CC2D2B: variants seen among roughly 807,000 people sequenced by gnomAD.
The protein encoded by CC2D2B is protein CC2D2B.
CC2D2B carries 128 observed loss-of-function variants against 161.2 expected under a neutral mutation model. That is an observed-to-expected ratio of 0.79 (90% CI 0.69 to 0.92). The LOEUF (loss-of-function observed/expected upper bound fraction) is 0.92. Ranked by LOEUF, CC2D2B falls within the 40% of genes least tolerant of loss-of-function variation. The pLI, the probability that CC2D2B is intolerant of heterozygous loss-of-function variation, is 0.00. For missense variants in CC2D2B, 1,173 were observed against 1,375.1 expected, an observed-to-expected ratio of 0.85 and a Z score of 2.32; for synonymous variants, 391 against 449.8, an observed-to-expected ratio of 0.87 and a Z score of 1.65.
At chr10:95,993,810 A>C (rs2078052245) in intron 22 of CC2D2B, among the ~76,000 whole-genome samples, 1 of 137,910 alleles carries the variant, frequency 7.3e-6, no homozygotes, top group Admixed American at 7.3e-5. Flanking sequence ...GAGAGAATAT[A>C]TATAGAGTGT....
intron 9 of CC2D2B, among the ~76,000 whole-genome samples, chr10:95,946,160 G>A (rs1030609761): frequency 3.3e-5 from 5 of 151,968 alleles, no homozygotes; most frequent in Admixed American, 2.6e-4. Flanking sequence ...ACCCTTTTTG[G>A]CCATAAGGAA....
chr10:95,960,696 A>C (rs2076732242), intron 11 of CC2D2B, among the ~76,000 whole-genome samples: 1 of 152,064 alleles, frequency 6.6e-6, no homozygotes, highest in South Asian at 2.1e-4. Context: ...TAACTTTTGT[A>C]GAGACAGGGT....
chr10:95,964,767 T>C (rs1272161542), intron 12 of CC2D2B, among the ~76,000 whole-genome samples: 1 of 152,132 alleles, frequency 6.6e-6, no homozygotes, highest in African/African-American at 2.4e-5. Context: ...AAAAAGCATA[T>C]AATACCTTTT....
At chr10:95,954,780 G>A (rs1452340004) in intron 10 of CC2D2B, among the ~76,000 whole-genome samples, 1 of 152,060 alleles carries the variant, frequency 6.6e-6, no homozygotes, top group African/African-American at 2.4e-5. Flanking sequence ...TCCAGTGAAA[G>A]TTTATATCAA....
chr10:96,019,550 C>T, intron 31 of CC2D2B, 152 bp from the exon 32 acceptor site: 1 of 837,780 alleles, frequency 1.2e-6, no homozygotes, highest in Non-Finnish European at 1.9e-6. Context: ...GATCATGAAA[C>T]CCTAGAATCT....
In CC2D2B at chr10:95,961,922, A is replaced by G; in HGVS notation, c.1203A>G (p.Arg401=). The G allele has an allele frequency of 8.1e-7, 1 of 1,231,672 alleles. No individual in the cohort carries two copies. The highest frequency in any genetic ancestry group is 1.0e-6 in the Non-Finnish European group (1 of 987,664). The allele number at this position is 1,231,672 out of a possible 1,614,324, so 76.3% of individuals were successfully genotyped here. ...LRTWKQIKSL[R]HGQGFTSTPI... ...CTTGGAAACAGATTAAATCTCTTCG[A>G]CATGGGCAAGGGTTTACAAGCACCC... The change falls in exon 12 of 35, where the codon CGA becomes CGG. Residue 401 remains arginine (R), a synonymous_variant. Transcript: ENST00000646931.
At chr10:96,030,225 A>G (rs1351361280) in intron 34 of CC2D2B, among the ~76,000 whole-genome samples, 1 of 152,132 alleles carries the variant, frequency 6.6e-6, no homozygotes, top group Non-Finnish European at 1.5e-5. Flanking sequence ...ACATTCAGCC[A>G]GGCCACTGAC....
intron 10 of CC2D2B, among the ~76,000 whole-genome samples, chr10:95,951,990 T>G (rs2076417020): frequency 6.6e-6 from 1 of 152,200 alleles, no homozygotes; most frequent in African/African-American, 2.4e-5. Flanking sequence ...GTGCATAATC[T>G]TCTCTTCTGA....
At chr10:95,919,672 G>A (rs992077260) in intron 2 of CC2D2B, 2 of 152,104 alleles carry the variant, frequency 1.3e-5, no homozygotes, top group Non-Finnish European at 2.9e-5. Context: ...AGCCCCAAGG[G>A]CTATTTAGTG....
At position 95,993,936 on chromosome 10, in the gene CC2D2B, GTGTGTGTA is replaced by G. The variant is rs1169952269; in HGVS notation, c.2642+1243_2642+1250del. On this transcript the variant is annotated intron_variant, in intron 22 of 34. Transcript: ENST00000646931. ...TGTGTGTGTGTGTGTGTGTGTGTGT[GTGTGTGTA>G]TGTATGTGTATATATATATATATAT... is the stretch of plus-strand genomic sequence containing the variant. Among the ~76,000 whole-genome samples the G allele has an allele frequency of 7.0e-3, 136 of 19,508 alleles. 3 individuals carry two copies. Among genetic ancestry groups the G allele is most frequent in the South Asian group, 0.025 (12 of 474 alleles). 12.8% of individuals were successfully genotyped at this position (19,508 alleles called of 152,430 possible). A position where few individuals can be genotyped will look rare whatever the true frequency, so the allele number is the denominator to read the frequency against.
chr10:96,014,624 G>A (rs2079114585), intron 29 of CC2D2B, among the ~76,000 whole-genome samples: 1 of 152,164 alleles, frequency 6.6e-6, no homozygotes, highest in Non-Finnish European at 1.5e-5. Context: ...TGCGACCTAA[G>A]ATAAGTTAAC....
intron 20 of CC2D2B, among the ~76,000 whole-genome samples, chr10:95,989,534 C>T (rs983701607): frequency 6.6e-6 from 1 of 152,038 alleles, no homozygotes; most frequent in African/African-American, 2.4e-5. Context: ...TTTGTGGTCT[C>T]GGGAAATAAA....
intron 19 of CC2D2B, among the ~76,000 whole-genome samples, chr10:95,985,483 C>G (rs1308201506): frequency 6.6e-6 from 1 of 152,164 alleles, no homozygotes; most frequent in Non-Finnish European, 1.5e-5. Context: ...GGACACTTAT[C>G]ACTTCCCCAA....
intron 18 of CC2D2B, 114 bp downstream of exon 18, chr10:95,982,227 T>C (rs535618244): frequency 7.7e-4 from 513 of 667,916 alleles, no homozygotes; most frequent in Non-Finnish European, 1.0e-3. Context: ...CTTGGGGTTA[T>C]GTAAAAGTAA....
At chr10:95,979,946 C>G (rs990411723) in intron 17 of CC2D2B, among the ~76,000 whole-genome samples, 2 of 152,096 alleles carry the variant, frequency 1.3e-5, no homozygotes, top group African/African-American at 4.8e-5. Context: ...TGGCTGTGGC[C>G]TTGCATTTGG....
At chr10:95,963,228 G>T (rs1431116064) in intron 12 of CC2D2B, among the ~76,000 whole-genome samples, 1 of 152,150 alleles carries the variant, frequency 6.6e-6, no homozygotes, top group Non-Finnish European at 1.5e-5. Flanking sequence ...CTGATCAATT[G>T]GAGAAGCTAT....
At chr10:95,941,208 C>T (rs890438976) in intron 9 of CC2D2B, among the ~76,000 whole-genome samples, 2 of 152,158 alleles carry the variant, frequency 1.3e-5, no homozygotes, top group Non-Finnish European at 2.9e-5. Flanking sequence ...GGAGTAAAGA[C>T]TTAAAAACAA....
rs988118418 is a variant in CC2D2B at position 95,974,083 on chromosome 10, C to T, written c.1870C>T (p.Leu624=). The change falls in exon 17 of 35, where the codon CTA becomes TTA. Residue 624 remains leucine, a synonymous_variant. Coordinates refer to ENST00000646931, the MANE Select transcript of CC2D2B (RefSeq NM_001349008.3). ...LLTSGKLSYS[L]SWSLDENGLP... Reference sequence around the variant, plus strand: ...GACATCAGGAAAACTTAGCTATTCTCTATCATGGAGCTTAGATGAAAATGG... The same window carrying T: ...GACATCAGGAAAACTTAGCTATTCTTTATCATGGAGCTTAGATGAAAATGG... 1 of 1,230,260 alleles carries T rather than the reference C, an allele frequency of 8.1e-7. No individual in the cohort carries two copies. Among genetic ancestry groups the T allele is most frequent in the South Asian group, 4.1e-5 (1 of 24,262 alleles). The allele number at this position is 1,230,260 out of a possible 1,614,324, so 76.2% of individuals were successfully genotyped here.
At chr10:96,022,805 T>G (rs1309017479) in intron 32 of CC2D2B, 1 of 152,156 alleles carries the variant, frequency 6.6e-6, no homozygotes, top group Admixed American at 6.5e-5. Context: ...TACAGAGCAA[T>G]GAATGCTGTT....
Sources: allele counts gnomAD v4.1 joint callset (sites outside exome capture counted in the v4.1 genomes callset), GRCh38; gene constraint gnomAD v4.1.1; transcripts MANE v1.5; gene names NCBI Gene and HGNC (gene_info 2026-07-23, HGNC 2026-07-21).